Variants in KLK10 observed in about 807,000 individuals in gnomAD.
KLK10 encodes the protein kallikrein-10.
Under a neutral mutation model 25.7 loss-of-function variants are expected in KLK10, and 27 were observed. The observed-to-expected ratio is 1.05, with a 90% CI of 0.77 to 1.45. The LOEUF is 1.45. Among genes scored for constraint, KLK10 ranks in the 40% most tolerant of loss-of-function variants. The pLI, the probability that KLK10 is intolerant of heterozygous loss-of-function variation, is 0.00. For synonymous variants in KLK10, 173 were observed against 160.1 expected (o/e 1.08, Z -0.61); for missense variants, 386 against 370.0 (o/e 1.04, Z -0.35).
At position 51,014,723 on chromosome 19, in the gene KLK10, G is replaced by A; in HGVS notation, c.*77C>T. The A allele has an allele frequency of 6.7e-7, 1 of 1,487,744 alleles. No individual in the cohort carries two copies. The highest frequency in any genetic ancestry group is 9.3e-7 in the Non-Finnish European group (1 of 1,077,604). 92.2% of individuals were successfully genotyped at this position (1,487,744 alleles called of 1,614,324 possible). ...GAGTTCAGCCGACTGGGGAGGAAGA[G>A]GATGGACGATGGAGCCTCTGGGCAT... is the stretch of plus-strand genomic sequence containing the variant. On this transcript the variant is annotated 3_prime_UTR_variant, in exon 6 of 6. Coordinates refer to ENST00000358789, the MANE Select transcript of KLK10 (RefSeq NM_145888.3).
chr19:51,017,063 G>T, intron 3 of KLK10, 47 bp downstream of exon 3: 2 of 1,491,510 alleles, frequency 1.3e-6, no homozygotes, highest in South Asian at 1.3e-5. Flanking sequence ...CCTGGAGGCC[G>T]CCTCCACAGC....
In KLK10 at chr19:51,019,028, T is replaced by G. The variant is rs570048032; in HGVS notation, c.88+15A>C. The stretch of plus-strand genomic sequence containing the variant: ...CCCACCGGCGCCTCTCCCCGCCCCC[T>G]GCCCCCGACCTTACCCCAGAGTTGC... On this transcript the variant is annotated intron_variant, in intron 2 of 5. Transcript: ENST00000358789. The surrounding 1 kb of genome is among the most constrained non-coding windows in gnomAD (Gnocchi z 4.2). 4.7e-6 allele frequency: 7 copies of G among 1,494,434 alleles called. No individual in the cohort carries two copies. The highest frequency in any genetic ancestry group is 4.2e-5 in the African/African-American group (3 of 71,468). The allele number at this position is 1,494,434 out of a possible 1,614,324, so 92.6% of individuals were successfully genotyped here. A position where few individuals can be genotyped will look rare whatever the true frequency, so the allele number is the denominator to read the frequency against.
chr19:51,014,914 G>A lies in KLK10; in HGVS notation c.717C>T (p.Leu239=). 1 of 1,614,046 alleles carries A rather than the reference G, an allele frequency of 6.2e-7. No individual in the cohort carries two copies. Among genetic ancestry groups the A allele is most frequent in the Non-Finnish European group, 8.5e-7 (1 of 1,179,978 alleles). ...SGGPLVCDET[L]QGILSWGVYP... is the part of the protein sequence containing the mutation. ...AAACACCCCACGAGAGGATGCCTTG[G>A]AGGGTCTCGTCACAGACCAGGGGGC... Residue 239 remains leucine (L), a synonymous_variant, in exon 6 of 6, where the codon CTC becomes CTT. Coordinates refer to ENST00000358789, the MANE Select transcript of KLK10 (RefSeq NM_145888.3).
intron 3 of KLK10, among the ~76,000 whole-genome samples, chr19:51,016,546 C>T (rs1219407399): frequency 6.6e-6 from 1 of 150,666 alleles, no homozygotes; most frequent in Non-Finnish European, 1.5e-5. Flanking sequence ...TACAGGCACC[C>T]ACCACCACAC....
In KLK10 at chr19:51,015,870, C is replaced by A; in HGVS notation, c.544+12G>T. 1 of 1,521,098 alleles carries A rather than the reference C, an allele frequency of 6.6e-7. No individual in the cohort carries two copies. Among genetic ancestry groups the A allele is most frequent in the Non-Finnish European group, 8.8e-7 (1 of 1,136,754 alleles). 94.2% of individuals were successfully genotyped at this position (1,521,098 alleles called of 1,614,324 possible). ...CCTCCTGAGGTTCCGGCCTCAGAGCCCCAGCTCTTGCCTCTCCGGGCGGCC... is the reference window on the plus strand; with the variant it reads ...CCTCCTGAGGTTCCGGCCTCAGAGCACCAGCTCTTGCCTCTCCGGGCGGCC... On this transcript the variant is annotated intron_variant, in intron 4 of 5. Transcript: ENST00000358789.
rs954607160 is a variant in KLK10, at chr19:51,013,806, A to G, written c.*994T>C. The G allele has an allele frequency of 6.5e-6, 1 of 153,706 alleles. No homozygotes were observed. The highest frequency in any genetic ancestry group is 2.4e-5 in the African/African-American group (1 of 41,420). 9.5% of individuals were successfully genotyped at this position (153,706 alleles called of 1,614,324 possible). ...CCCCCAATTTCAGGGAGAATCAAAC[A>G]ATTCCTCCTCCCAAGTTTTCAGGAC... On this transcript the variant is annotated 3_prime_UTR_variant, in exon 6 of 6. Coordinates refer to ENST00000358789, the MANE Select transcript of KLK10 (RefSeq NM_145888.3).
In KLK10 at chr19:51,017,245, G is replaced by C; in HGVS notation, c.134C>G (p.Pro45Arg). The C allele has an allele frequency of 1.2e-6, 2 of 1,611,364 alleles. No homozygotes were observed. Among genetic ancestry groups the C allele is most frequent in the South Asian group, 2.2e-5 (2 of 90,884 alleles). The part of the protein sequence containing the change: ...LLPQNDTRLD[P>R]EAYGSPCARG... ...CGCGCACGGGGAGCCATAGGCTTCG[G>C]GGTCCAAGCGCGTGTCGTTTTGGGG... Residue 45 changes from proline (P) to arginine (R), a missense_variant, in exon 3 of 6, where the codon CCC (proline) becomes CGC (arginine). Physicochemically the swap from Pro to Arg is moderately radical, Grantham distance 103. Coordinates refer to ENST00000358789, the MANE Select transcript of KLK10 (RefSeq NM_145888.3).
In KLK10 at chr19:51,015,407, C is replaced by T; in HGVS notation, c.678+10G>A. 1.9e-6 allele frequency: 3 copies of T among 1,613,112 alleles called. No homozygotes were observed. The highest frequency in any genetic ancestry group is 2.5e-6 in the Non-Finnish European group (3 of 1,179,446). ...CCAGGAGTCAGAGACTCTCCCTGTT[C>T]AGACCCTACCTGGCAAGGGTCCTGG... On this transcript the variant is annotated intron_variant, in intron 5 of 5. Transcript: ENST00000358789.
In KLK10 at chr19:51,015,880, G is replaced by GGCGGC; in HGVS notation, c.544+1_544+2insGCCGC. On this transcript the variant is annotated splice_donor_variant, in intron 4 of 5. Transcript: ENST00000358789. LOFTEE classifies it high-confidence loss of function. ...TTCCGGCCTCAGAGCCCCAGCTCTTGCCTCTCCGGGCGGCCGTGGTGCCCC... is the reference window on the plus strand; with the variant it reads ...TTCCGGCCTCAGAGCCCCAGCTCTTGGCGGCCCTCTCCGGGCGGCCGTGGTGCCCC... 6.5e-7 allele frequency: 1 copy of GGCGGC among 1,537,232 alleles called. No individual in the cohort carries two copies. Among genetic ancestry groups the GGCGGC allele is most frequent in the Non-Finnish European group, 8.7e-7 (1 of 1,144,738 alleles).
rs1166316315 is a variant in KLK10, at chr19:51,014,624, G to T, written c.*176C>A. 5.4e-6 allele frequency: 3 copies of T among 556,482 alleles called. No individual in the cohort carries two copies. The highest frequency in any genetic ancestry group is 9.5e-6 in the Non-Finnish European group (3 of 315,334). The allele number at this position is 556,482 out of a possible 1,614,324, so 34.5% of individuals were successfully genotyped here. A position where few individuals can be genotyped will look rare whatever the true frequency, so the allele number is the denominator to read the frequency against. ...TACAGGCAGAGAATGGGGATAGGTG[G>T]GGGAATGAGGTGAGAGGGGAGATGT... On this transcript the variant is annotated 3_prime_UTR_variant, in exon 6 of 6. Transcript: ENST00000358789.
Position 51,019,652 on chromosome 19 carries a change from G to T in KLK10, c.-35C>A. 6.5e-6 allele frequency: 1 copy of T among 153,072 alleles called. No individual in the cohort carries two copies. Among genetic ancestry groups the T allele is most frequent in the African/African-American group, 2.4e-5 (1 of 41,576 alleles). 9.5% of individuals were successfully genotyped at this position (153,072 alleles called of 1,614,324 possible). A position where few individuals can be genotyped will look rare whatever the true frequency, so the allele number is the denominator to read the frequency against. The stretch of plus-strand genomic sequence containing the variant: ...CTGGGAGTCGCCGATAGGAAGGAGG[G>T]AGGGGACCCAGACGTGCCTCTGCCC... On this transcript the variant is annotated 5_prime_UTR_variant, in exon 1 of 6. Transcript: ENST00000358789. This position sits in a 1 kb window ranked among gnomAD's most constrained non-coding sequence, Gnocchi z 4.2.
chr19:51,014,805 T>C lies in KLK10; in HGVS notation c.826A>G (p.Asn276Asp), dbSNP rs1162248458. ...MSWINKVIRS[N>D] is the part of the protein sequence containing the mutation. ...GCTGGAGCGTAGCATCTGGATCAGTTGGAGCGTATGACTTTATTGATCCAG... is the reference window on the plus strand; with the variant it reads ...GCTGGAGCGTAGCATCTGGATCAGTCGGAGCGTATGACTTTATTGATCCAG... The change falls in exon 6 of 6, where the codon AAC becomes GAC. Residue 276 changes from asparagine to aspartate, a missense_variant. Coordinates refer to ENST00000358789, the MANE Select transcript of KLK10 (RefSeq NM_145888.3). 1.2e-6 allele frequency: 2 copies of C among 1,605,632 alleles called. No homozygotes were observed. Among genetic ancestry groups the C allele is most frequent in the Non-Finnish European group, 1.7e-6 (2 of 1,174,386 alleles).
intron 2 of KLK10, chr19:51,018,800 T>G: frequency 3.5e-6 from 2 of 571,930 alleles, no homozygotes; most frequent in East Asian, 2.9e-5. Context: ...CGGCGAAGAG[T>G]CCACGGAAGA....
At chr19:51,016,285 A>G in intron 3 of KLK10, 129 bp from the exon 4 acceptor site, 1 of 1,040,634 alleles carries the variant, frequency 9.6e-7, no homozygotes, top group Non-Finnish European at 1.3e-6. Context: ...AGGGGACCTC[A>G]GTGGACATGG....
In KLK10 at chr19:51,017,263, T is replaced by C; in HGVS notation, c.116A>G (p.Asn39Ser). The change falls in exon 3 of 6, where the codon AAC becomes AGC. Residue 39 changes from asparagine (N) to serine (S), a missense_variant. Asn to Ser is a conservative substitution (Grantham distance 46, BLOSUM62 1). Transcript: ENST00000358789. ...WAAEAALLPQ[N>S]DTRLDPEAYG... ...GGCTTCGGGGTCCAAGCGCGTGTCG[T>C]TTTGGGGGAGCAGCGCCGCCTCTGC... The C allele has an allele frequency of 6.2e-7, 1 of 1,608,292 alleles. No individual in the cohort carries two copies. The highest frequency in any genetic ancestry group is 8.5e-7 in the Non-Finnish European group (1 of 1,177,814).
chr19:51,015,772 C>T (rs947620835), intron 4 of KLK10, 110 bp downstream of exon 4: 1 of 1,239,320 alleles, frequency 8.1e-7, no homozygotes, highest in Non-Finnish European at 1.1e-6. Context: ...CCAGCCCGTC[C>T]TCCCTCAGAT....
chr19:51,017,657 A>G (rs2122456617), intron 2 of KLK10, among the ~76,000 whole-genome samples: 1 of 149,226 alleles, frequency 6.7e-6, no homozygotes, highest in East Asian at 2.0e-4. Flanking sequence ...GATCGGGGAG[A>G]GGAAGGGGTG....
Position 51,015,402 on chromosome 19 carries a change from C to G in KLK10, c.678+15G>C. ...CCCTCCCAGGAGTCAGAGACTCTCC[C>G]TGTTCAGACCCTACCTGGCAAGGGT... On this transcript the variant is annotated intron_variant, in intron 5 of 5. Transcript: ENST00000358789. 1 of 1,611,354 alleles carries G rather than the reference C, an allele frequency of 6.2e-7. No individual in the cohort carries two copies. Among genetic ancestry groups the G allele is most frequent in the Non-Finnish European group, 8.5e-7 (1 of 1,178,064 alleles).
chr19:51,017,586 T>G (rs1226410466), intron 2 of KLK10, among the ~76,000 whole-genome samples: 1 of 150,702 alleles, frequency 6.6e-6, no homozygotes. Context: ...ACGTCGCTGG[T>G]CGATAGAGGG....
Sources: allele counts gnomAD v4.1 joint callset (sites outside exome capture counted in the v4.1 genomes callset), GRCh38; gene constraint gnomAD v4.1.1; non-coding constraint Gnocchi (gnomAD v3.1); transcripts MANE v1.5; gene names NCBI Gene and HGNC (gene_info 2026-07-23, HGNC 2026-07-21).